CAMTA1: variants seen among roughly 807,000 people sequenced by gnomAD.
CAMTA1 encodes calmodulin-binding transcription activator 1.
A neutral mutation model predicts 170.9 loss-of-function variants in CAMTA1; 27 were observed. The observed-to-expected ratio is 0.16, with a 90% CI of 0.12 to 0.22. CAMTA1 has a LOEUF of 0.22. CAMTA1 is among the 10% of genes least tolerant of loss of function. The pLI, the probability that CAMTA1 is intolerant of heterozygous loss-of-function variation, is 1.00. For missense variants in CAMTA1, 1,619 were observed against 2,217.2 expected (o/e 0.73, Z 5.42); for synonymous variants, 833 against 891.5 (o/e 0.93, Z 1.17).
At chr1:7,479,931 ATG>A (rs1171904833) in intron 6 of CAMTA1, among the ~76,000 whole-genome samples, 4 of 101,646 alleles carry the variant, frequency 3.9e-5, no homozygotes, top group East Asian at 6.1e-4. Flanking sequence ...GAATGTGTAT[ATG>A]TGTGTATGAG....
intron 3 of CAMTA1, among the ~76,000 whole-genome samples, chr1:6,881,310 AT>A (rs1671499401): frequency 2.0e-5 from 3 of 152,220 alleles, no homozygotes; most frequent in Non-Finnish European, 4.4e-5. Flanking sequence ...TGTGCATGCT[AT>A]TCTAGTGTGA....
intron 5 of CAMTA1, among the ~76,000 whole-genome samples, chr1:7,356,571 C>T (rs541620068): frequency 6.6e-6 from 1 of 152,310 alleles, no homozygotes; most frequent in African/African-American, 2.4e-5. Context: ...ACCGCCTCCT[C>T]CTCCAGTCTC....
chr1:7,341,043 C>T (rs1557549607), intron 5 of CAMTA1, among the ~76,000 whole-genome samples: 1 of 152,224 alleles, frequency 6.6e-6, no homozygotes, highest in Non-Finnish European at 1.5e-5. Flanking sequence ...TAGGCCATGC[C>T]AAGACACAGC....
At chr1:7,205,181 C>G (rs2149035611) in intron 4 of CAMTA1, among the ~76,000 whole-genome samples, 1 of 152,010 alleles carries the variant, frequency 6.6e-6, no homozygotes, top group Admixed American at 6.5e-5. Context: ...GCTCTCCGCT[C>G]ACTGCAACCT....
intron 3 of CAMTA1, among the ~76,000 whole-genome samples, chr1:6,940,426 C>T (rs987006478): frequency 2.6e-5 from 4 of 152,180 alleles, no homozygotes; most frequent in African/African-American, 9.7e-5. Context: ...GGATGATGCC[C>T]CCCACACTGG....
intron 3 of CAMTA1, among the ~76,000 whole-genome samples, chr1:6,980,502 G>A (rs998599924): frequency 6.6e-6 from 1 of 152,150 alleles, no homozygotes; most frequent in Non-Finnish European, 1.5e-5. Context: ...CTAGAGGGAC[G>A]TGACTTCTGT....
chr1:7,044,706 G>A lies in CAMTA1; in HGVS notation c.235-46598G>A, dbSNP rs975251358. On this transcript the variant is annotated intron_variant, in intron 3 of 22. Coordinates refer to ENST00000303635, the MANE Select transcript of CAMTA1 (RefSeq NM_015215.4). The surrounding 1 kb of genome is among the most constrained non-coding windows in gnomAD (Gnocchi z 5.0). Reference sequence around the variant, plus strand: ...TCCCCTCTCTGGGCGACCTTCCGAGGAGGCATCAGCTCTTCCCTTGCTTTG... The same window carrying A: ...TCCCCTCTCTGGGCGACCTTCCGAGAAGGCATCAGCTCTTCCCTTGCTTTG... Among the ~76,000 whole-genome samples the A allele has an allele frequency of 8.8e-6, 1 of 113,276 alleles. No homozygotes were observed. The highest frequency in any genetic ancestry group is 1.8e-5 in the Non-Finnish European group (1 of 56,844). The allele number at this position is 113,276 out of a possible 152,430, so 74.3% of individuals were successfully genotyped here.
chr1:7,153,374 G>T (rs1646687130), intron 4 of CAMTA1, among the ~76,000 whole-genome samples: 1 of 152,036 alleles, frequency 6.6e-6, no homozygotes, highest in Non-Finnish European at 1.5e-5. Flanking sequence ...TGTGTAAAAG[G>T]CACACACCTG....
chr1:6,991,534 G>C (rs965944654), intron 3 of CAMTA1, among the ~76,000 whole-genome samples: 2 of 152,150 alleles, frequency 1.3e-5, no homozygotes, highest in Admixed American at 6.5e-5. Flanking sequence ...TGACATATCT[G>C]CTCCAATCTT....
intron 5 of CAMTA1, among the ~76,000 whole-genome samples, chr1:7,342,888 C>G (rs2149821989): frequency 6.6e-6 from 1 of 152,286 alleles, no homozygotes. Context: ...CTTCAAGAGG[C>G]ATTTTCCACT....
intron 5 of CAMTA1, among the ~76,000 whole-genome samples, chr1:7,311,372 T>C (rs1335348370): frequency 1.3e-5 from 2 of 152,330 alleles, no homozygotes; most frequent in East Asian, 3.9e-4. Flanking sequence ...GTAATCACCA[T>C]TTGGCTCTGT....
chr1:7,077,324 C>T (rs1639434058), intron 3 of CAMTA1, among the ~76,000 whole-genome samples: 1 of 150,734 alleles, frequency 6.6e-6, no homozygotes, highest in African/African-American at 2.4e-5. Flanking sequence ...CTCACACCCT[C>T]CTTTCCCACT....
chr1:6,991,348 G>A (rs1036029781), intron 3 of CAMTA1, among the ~76,000 whole-genome samples: 3 of 152,058 alleles, frequency 2.0e-5, no homozygotes, highest in African/African-American at 7.2e-5. Flanking sequence ...ATTTCCACCA[G>A]CAATGTATGA....
Position 6,936,634 on chromosome 1 carries a change from G to A in CAMTA1, c.234+111424G>A, listed in dbSNP as rs1207914790. On this transcript the variant is annotated intron_variant, in intron 3 of 22. Transcript: ENST00000303635. Reference sequence around the variant, plus strand: ...AAGAGAGCTCTGGCTTATGGATTTGGGCTGTGACCAGAGCTCTTTTGCCAC... The same window carrying A: ...AAGAGAGCTCTGGCTTATGGATTTGAGCTGTGACCAGAGCTCTTTTGCCAC... Among the ~76,000 whole-genome samples, 6 of 152,154 alleles carry A rather than the reference G, an allele frequency of 3.9e-5. No homozygotes were observed. In the East Asian group the frequency reaches 1.2e-3, roughly 29 times the overall value.
chr1:7,406,762 A>G (rs1169512653), intron 5 of CAMTA1, among the ~76,000 whole-genome samples: 1 of 152,130 alleles, frequency 6.6e-6, no homozygotes. Flanking sequence ...ACCCAGAAGC[A>G]TTTGTGTCCT....
In CAMTA1 at chr1:7,389,081, T is replaced by C. The variant is rs144608430; in HGVS notation, c.439-78749T>C. On this transcript the variant is annotated intron_variant, in intron 5 of 22. Transcript: ENST00000303635. ...GAGGAAGGGAGTCTGGCTCTGTGCC[T>C]GTCCCCGGCTGCCTGGCTCTGACTG... Among the ~76,000 whole-genome samples, 1,273 of 152,336 alleles carry C rather than the reference T, an allele frequency of 8.4e-3. 14 individuals are homozygous for C. Among genetic ancestry groups the C allele is most frequent in the African/African-American group, 0.029 (1,220 of 41,580 alleles).
chr1:7,365,651 C>T (rs2085911599), intron 5 of CAMTA1, among the ~76,000 whole-genome samples: 1 of 152,232 alleles, frequency 6.6e-6, no homozygotes, highest in African/African-American at 2.4e-5. Flanking sequence ...TTCTTTTCCT[C>T]TGGCTCAGTT....
chr1:7,121,407 ATAAG>A (rs1644634480), intron 4 of CAMTA1, among the ~76,000 whole-genome samples: 2 of 152,246 alleles, frequency 1.3e-5, no homozygotes, highest in African/African-American at 4.8e-5. Flanking sequence ...TAATGTGGTC[ATAAG>A]TGAGATGTTC....
intron 6 of CAMTA1, among the ~76,000 whole-genome samples, chr1:7,619,224 G>A (rs937148241): frequency 9.9e-5 from 15 of 152,204 alleles, no homozygotes; most frequent in Non-Finnish European, 4.4e-5. Flanking sequence ...CTGCCCCTAG[G>A]GAGACAAACC....
Sources: allele counts gnomAD v4.1 joint callset (sites outside exome capture counted in the v4.1 genomes callset), GRCh38; gene constraint gnomAD v4.1.1; non-coding constraint Gnocchi (gnomAD v3.1); transcripts MANE v1.5; gene names NCBI Gene and HGNC (gene_info 2026-07-23, HGNC 2026-07-21).